FSTL4: variants seen among roughly 807,000 people sequenced by gnomAD.
The protein encoded by FSTL4 is follistatin-related protein 4.
FSTL4 carries 28 observed loss-of-function variants against 78.2 expected under a neutral mutation model. The ratio of observed to expected loss-of-function variants is 0.36; its 90% CI spans 0.27 to 0.49. The LOEUF (loss-of-function observed/expected upper bound fraction) is 0.49. Among genes scored for constraint, FSTL4 ranks in the 20% least tolerant of loss-of-function variants. FSTL4 has a pLI of 0.98. For synonymous variants in FSTL4, 422 were observed against 440.5 expected (o/e 0.96, Z 0.53); for missense variants, 922 against 1,084.9 (o/e 0.85, Z 2.11).
In FSTL4 at chr5:133,224,770, C is replaced by A. The variant is rs563757203; in HGVS notation, c.1312+380G>T. Reference sequence around the variant, plus strand: ...CCTAGTGTAAAGGCTACCACACTCCCAATGGTGTGCATGTGTGCACAGGTC... The same window carrying A: ...CCTAGTGTAAAGGCTACCACACTCCAAATGGTGTGCATGTGTGCACAGGTC... On this transcript the variant is annotated intron_variant, in intron 10 of 15. Transcript: ENST00000265342. Among the ~76,000 whole-genome samples, 5 of 152,316 alleles carry A rather than the reference C, an allele frequency of 3.3e-5. No individual in the cohort carries two copies. In the South Asian group the frequency reaches 1.0e-3, roughly 32 times the overall value.
the FSTL4 span, among the ~76,000 whole-genome samples, chr5:133,783,559 C>T: frequency 1.3e-5 from 2 of 152,198 alleles, no homozygotes; most frequent in African/African-American, 4.8e-5. Context: ...GAATCTCTTG[C>T]CTCATCTGAG....
In FSTL4 at chr5:133,240,560, C is replaced by T. The variant is rs543788743; in HGVS notation, c.895-7023G>A. On this transcript the variant is annotated intron_variant, in intron 7 of 15. Coordinates refer to ENST00000265342, the MANE Select transcript of FSTL4 (RefSeq NM_015082.2). The stretch of plus-strand genomic sequence containing the variant: ...ACTGTGGGGAGAGCACCTGGTTCTT[C>T]CAAGGCTCGGGGCATGTGTGGTCCC... Among the ~76,000 whole-genome samples, 5 of 152,282 alleles carry T rather than the reference C, an allele frequency of 3.3e-5. No homozygotes were observed. In the East Asian group the frequency reaches 9.7e-4, roughly 29 times the overall value.
chr5:133,761,933 T>G, the FSTL4 span, among the ~76,000 whole-genome samples: 2 of 152,116 alleles, frequency 1.3e-5, no homozygotes, highest in African/African-American at 4.8e-5. Flanking sequence ...ATTTTCTTAC[T>G]GTCAGAGACA....
intron 3 of FSTL4, among the ~76,000 whole-genome samples, chr5:133,450,600 C>T (rs1757362585): frequency 6.6e-6 from 1 of 152,242 alleles, no homozygotes; most frequent in African/African-American, 2.4e-5. Context: ...AGCTGGCATC[C>T]TCTCACATCA....
chr5:133,523,366 A>G (rs1759024773), intron 3 of FSTL4, among the ~76,000 whole-genome samples: 2 of 152,198 alleles, frequency 1.3e-5, no homozygotes, highest in Non-Finnish European at 2.9e-5. Context: ...GGACAGACAT[A>G]GGAGAAATCT....
the FSTL4 span, among the ~76,000 whole-genome samples, chr5:133,727,212 G>A: frequency 6.6e-5 from 10 of 152,218 alleles, no homozygotes; most frequent in East Asian, 1.9e-3. Flanking sequence ...AGCAAACTTT[G>A]CAACAACAAA....
At chr5:133,350,764 A>G (rs1043763357) in intron 4 of FSTL4, among the ~76,000 whole-genome samples, 1 of 152,148 alleles carries the variant, frequency 6.6e-6, no homozygotes, top group African/African-American at 2.4e-5. Context: ...CCTGGGCTCC[A>G]TGGTCCAGGA....
chr5:133,672,772 A>C, the FSTL4 span, among the ~76,000 whole-genome samples: 3 of 152,196 alleles, frequency 2.0e-5, no homozygotes, highest in African/African-American at 7.2e-5. Context: ...TTCTCATCCC[A>C]AGAGATTTGG....
intron 8 of FSTL4, among the ~76,000 whole-genome samples, chr5:133,226,221 A>G (rs1271557657): frequency 6.6e-6 from 1 of 152,232 alleles, no homozygotes; most frequent in African/African-American, 2.4e-5. Flanking sequence ...CTTGCAGGAA[A>G]TGTATCAGAA....
At chr5:133,312,422 G>C in intron 6 of FSTL4, 1 of 552,590 alleles carries the variant, frequency 1.8e-6, no homozygotes. Context: ...CCCTCAAAGA[G>C]CGAGAAAAAT....
chr5:133,297,871 G>A (rs1233966142), intron 6 of FSTL4, among the ~76,000 whole-genome samples: 2 of 152,170 alleles, frequency 1.3e-5, no homozygotes, highest in African/African-American at 2.4e-5. Context: ...ATGCCAGGTG[G>A]GGTGTGCAGC....
At chr5:133,395,441 A>G (rs763506141) in intron 4 of FSTL4, among the ~76,000 whole-genome samples, 15 of 152,162 alleles carry the variant, frequency 9.9e-5, no homozygotes, top group Non-Finnish European at 2.1e-4. Flanking sequence ...ACGTCCAAAC[A>G]TCAGAAGGAA....
At chr5:133,803,506 C>T in the FSTL4 span, among the ~76,000 whole-genome samples, 1 of 152,202 alleles carries the variant, frequency 6.6e-6, no homozygotes, top group African/African-American at 2.4e-5. Flanking sequence ...CAACTGTCAT[C>T]TCCCCAAGTC....
At chr5:133,305,918 T>G (rs1753645197) in intron 6 of FSTL4, among the ~76,000 whole-genome samples, 1 of 152,204 alleles carries the variant, frequency 6.6e-6, no homozygotes. Context: ...TGTCCCTCCC[T>G]GCCCAGGAGC....
the FSTL4 span, among the ~76,000 whole-genome samples, chr5:133,768,365 C>T: frequency 5.3e-5 from 8 of 152,280 alleles, no homozygotes; most frequent in African/African-American, 1.4e-4. Flanking sequence ...GCCTGTGCAG[C>T]GAGCATTTTG....
At chr5:133,294,340 C>A (rs962850649) in intron 6 of FSTL4, among the ~76,000 whole-genome samples, 2 of 152,126 alleles carry the variant, frequency 1.3e-5, no homozygotes, top group African/African-American at 4.8e-5. Flanking sequence ...TTCATCTCTA[C>A]CACCACGTGC....
At chr5:133,741,735 C>T in the FSTL4 span, among the ~76,000 whole-genome samples, 1 of 152,226 alleles carries the variant, frequency 6.6e-6, no homozygotes, top group Admixed American at 6.5e-5. Flanking sequence ...TGTGCTGTGG[C>T]CTGAGGCACT....
chr5:133,809,512 C>T, the FSTL4 span, among the ~76,000 whole-genome samples: 2 of 151,800 alleles, frequency 1.3e-5, no homozygotes, highest in Non-Finnish European at 2.9e-5. Context: ...GCCTGCACCC[C>T]ACTTTCAGTA....
At chr5:133,784,971 T>C in the FSTL4 span, among the ~76,000 whole-genome samples, 3 of 152,100 alleles carry the variant, frequency 2.0e-5, no homozygotes, top group Non-Finnish European at 2.9e-5. Context: ...TGGGAGGACT[T>C]TGGGGGAGAA....
Sources: allele counts gnomAD v4.1 joint callset (sites outside exome capture counted in the v4.1 genomes callset), GRCh38; gene constraint gnomAD v4.1.1; transcripts MANE v1.5; gene names NCBI Gene and HGNC (gene_info 2026-07-23, HGNC 2026-07-21).